Variants in ZMIZ1 observed in about 807,000 individuals in gnomAD.
ZMIZ1 encodes the protein zinc finger MIZ-type containing 1, also known as zinc finger MIZ domain-containing protein 1.
ZMIZ1 carries 17 observed loss-of-function variants against 113.9 expected under a neutral mutation model. That is an observed-to-expected ratio of 0.15 (90% CI 0.10 to 0.22). The LOEUF (loss-of-function observed/expected upper bound fraction) is 0.22. ZMIZ1 is among the 10% of genes least tolerant of loss of function. The pLI is 1.00. For synonymous variants in ZMIZ1, 607 were observed against 603.1 expected (o/e 1.01, Z -0.09); for missense variants, 1,059 against 1,477.8 (o/e 0.72, Z 4.65).
intron 2 of ZMIZ1, among the ~76,000 whole-genome samples, chr10:79,121,387 C>G (rs77139523): frequency 6.6e-6 from 1 of 152,188 alleles, no homozygotes; most frequent in Admixed American, 6.5e-5. Context: ...AGGGGGTTCC[C>G]GAGGAGGCTT....
At chr10:79,160,437 G>C (rs1470798527) in intron 3 of ZMIZ1, among the ~76,000 whole-genome samples, 18 of 152,228 alleles carry the variant, frequency 1.2e-4, no homozygotes. Flanking sequence ...CGTGTGTGGA[G>C]AGCCACTGGT....
At position 79,118,635 on chromosome 10, in the gene ZMIZ1, C is replaced by T. The variant is rs1459978848; in HGVS notation, c.-336-280C>T. On this transcript the variant is annotated intron_variant, in intron 1 of 24. Coordinates refer to ENST00000334512, the MANE Select transcript of ZMIZ1 (RefSeq NM_020338.4). This position sits in a 1 kb window ranked among gnomAD's most constrained non-coding sequence, Gnocchi z 4.1. ...TCTGGGAGGCCGGGCTGACTGGAGCCTAGTGGTGGGCAGGCAGGTTTGGCT... is the reference window on the plus strand; with the variant it reads ...TCTGGGAGGCCGGGCTGACTGGAGCTTAGTGGTGGGCAGGCAGGTTTGGCT... 6.6e-6 allele frequency among the ~76,000 whole-genome samples: 1 copy of T among 152,194 alleles called. No individual in the cohort carries two copies. Among genetic ancestry groups the T allele is most frequent in the African/African-American group, 2.4e-5 (1 of 41,448 alleles).
At chr10:79,074,154 T>G (rs1842392696) in intron 1 of ZMIZ1, among the ~76,000 whole-genome samples, 1 of 152,218 alleles carries the variant, frequency 6.6e-6, no homozygotes, top group African/African-American at 2.4e-5. Flanking sequence ...TTATCCCCAT[T>G]TAACAGAGCA....
chr10:79,181,073 C>T (rs1368550404), intron 4 of ZMIZ1, among the ~76,000 whole-genome samples: 1 of 152,200 alleles, frequency 6.6e-6, no homozygotes, highest in East Asian at 1.9e-4. Context: ...ATGTTCCTTT[C>T]CCAGGAGGCA....
At chr10:79,242,968 G>A (rs1346451848) in intron 7 of ZMIZ1, among the ~76,000 whole-genome samples, 2 of 150,902 alleles carry the variant, frequency 1.3e-5, no homozygotes, top group African/African-American at 4.9e-5. Flanking sequence ...CTGCGCGCGC[G>A]AGTGAGTGCG....
At chr10:79,223,956 C>G (rs1052057725) in intron 7 of ZMIZ1, among the ~76,000 whole-genome samples, 4 of 152,134 alleles carry the variant, frequency 2.6e-5, no homozygotes, top group Non-Finnish European at 4.4e-5. Context: ...CTGTGATGGT[C>G]CCTGGGGTTC....
chr10:79,086,517 T>G (rs1842818154), intron 1 of ZMIZ1, among the ~76,000 whole-genome samples: 1 of 152,220 alleles, frequency 6.6e-6, no homozygotes, highest in African/African-American at 2.4e-5. Context: ...TTTTATTACT[T>G]CATTTTATTT....
intron 24 of ZMIZ1, among the ~76,000 whole-genome samples, 169 bp from the exon 25 acceptor site, chr10:79,312,473 G>A (rs1474918618): frequency 6.6e-6 from 1 of 152,258 alleles, no homozygotes; most frequent in Non-Finnish European, 1.5e-5. Context: ...CGGGGTATGT[G>A]TGGGGATACC....
At chr10:79,084,796 G>A (rs1419550763) in intron 1 of ZMIZ1, among the ~76,000 whole-genome samples, 8 of 141,274 alleles carry the variant, frequency 5.7e-5, no homozygotes, top group Non-Finnish European at 9.2e-5. Context: ...TGGGCTGGCC[G>A]TTGATGATTG....
chr10:79,258,965 C>T (rs1851088927), intron 7 of ZMIZ1, among the ~76,000 whole-genome samples: 1 of 152,182 alleles, frequency 6.6e-6, no homozygotes. Context: ...TGGCCCCTCT[C>T]CCAAGATAAA....
intron 8 of ZMIZ1, 25 bp from the exon 9 acceptor site, chr10:79,289,750 G>T (rs769174787): frequency 1.2e-6 from 2 of 1,605,788 alleles, no homozygotes; most frequent in East Asian, 4.5e-5. Context: ...AGGCCCTGAA[G>T]ATCTCCCTCT....
intron 7 of ZMIZ1, among the ~76,000 whole-genome samples, chr10:79,269,316 C>T (rs1384011660): frequency 6.6e-6 from 1 of 152,138 alleles, no homozygotes; most frequent in Non-Finnish European, 1.5e-5. Flanking sequence ...CCTGCCAGGG[C>T]ATGGTTTGAG....
intron 3 of ZMIZ1, among the ~76,000 whole-genome samples, chr10:79,161,507 C>T (rs1405424752): frequency 6.6e-6 from 1 of 152,202 alleles, no homozygotes; most frequent in Non-Finnish European, 1.5e-5. Context: ...GCCTGGAATG[C>T]TGTTTGCTGC....
chr10:79,183,376 A>ACG (rs1847210262), intron 4 of ZMIZ1, among the ~76,000 whole-genome samples: 1 of 151,714 alleles, frequency 6.6e-6, no homozygotes, highest in African/African-American at 2.4e-5. Flanking sequence ...ACACACACAC[A>ACG]CACACACGCA....
intron 3 of ZMIZ1, among the ~76,000 whole-genome samples, chr10:79,160,059 G>T (rs1345477472): frequency 6.6e-6 from 1 of 152,246 alleles, no homozygotes; most frequent in Non-Finnish European, 1.5e-5. Flanking sequence ...GGCTCTGCTG[G>T]CCAGCTTGCC....
intron 7 of ZMIZ1, among the ~76,000 whole-genome samples, chr10:79,256,058 T>A (rs984175538): frequency 4.6e-5 from 7 of 152,200 alleles, no homozygotes; most frequent in Non-Finnish European, 7.4e-5. Context: ...CAGGGCCCCT[T>A]CCTTGGCATT....
intron 2 of ZMIZ1, among the ~76,000 whole-genome samples, chr10:79,121,023 C>T (rs1844267255): frequency 6.6e-6 from 1 of 152,158 alleles, no homozygotes; most frequent in African/African-American, 2.4e-5. Flanking sequence ...CTCTAAATCC[C>T]CTTGAGAAGC....
In ZMIZ1 at chr10:79,313,706, G is replaced by A. The variant is rs955764940; in HGVS notation, c.*957G>A. 1 of 282,684 alleles carries A rather than the reference G, an allele frequency of 3.5e-6. No homozygotes were observed. The highest frequency in any genetic ancestry group is 2.2e-5 in the African/African-American group (1 of 45,326). 17.5% of individuals were successfully genotyped at this position (282,684 alleles called of 1,614,324 possible). A position where few individuals can be genotyped will look rare whatever the true frequency, so the allele number is the denominator to read the frequency against. On this transcript the variant is annotated 3_prime_UTR_variant, in exon 25 of 25. Coordinates refer to ENST00000334512, the MANE Select transcript of ZMIZ1 (RefSeq NM_020338.4). ...ATTTAAAGCTATGAAGTCACCTGGAGAAAAGGAACGTTGCTCTTGGACAGC... is the reference window on the plus strand; with the variant it reads ...ATTTAAAGCTATGAAGTCACCTGGAAAAAAGGAACGTTGCTCTTGGACAGC...
At position 79,316,433 on chromosome 10, in the gene ZMIZ1, T is replaced by A. The variant is rs923211047; in HGVS notation, c.*3684T>A. On this transcript the variant is annotated 3_prime_UTR_variant, in exon 25 of 25. Transcript: ENST00000334512. ...TTTAAAGATCAAATTATTTGACTAT[T>A]GCTAGACATTTCTATACTCTGTTGT... The A allele has an allele frequency of 1.3e-5, 2 of 152,830 alleles. No individual in the cohort carries two copies. The highest frequency in any genetic ancestry group is 2.9e-5 in the Non-Finnish European group (2 of 68,054). 9.5% of individuals were successfully genotyped at this position (152,830 alleles called of 1,614,324 possible).
Sources: allele counts gnomAD v4.1 joint callset (sites outside exome capture counted in the v4.1 genomes callset), GRCh38; gene constraint gnomAD v4.1.1; non-coding constraint Gnocchi (gnomAD v3.1); transcripts MANE v1.5; gene names NCBI Gene and HGNC (gene_info 2026-07-23, HGNC 2026-07-21).